The following NUP133 variants were observed in gnomAD, a reference collection of about 807,000 sequenced individuals.
The protein encoded by NUP133 is nucleoporin 133.
NUP133 carries 66 observed loss-of-function variants against 146.2 expected under a neutral mutation model. That is an observed-to-expected ratio of 0.45 (90% CI 0.37 to 0.55). NUP133 has a LOEUF of 0.55. NUP133 is among the 20% of genes least tolerant of loss of function. The pLI, the probability that NUP133 is intolerant of heterozygous loss-of-function variation, is 0.00. For missense variants in NUP133, 1,277 were observed against 1,374.8 expected, an observed-to-expected ratio of 0.93 and a Z score of 1.12; for synonymous variants, 521 against 498.8, an observed-to-expected ratio of 1.04 and a Z score of -0.59.
At chr1:229,486,616 TTGA>T in intron 10 of NUP133, 88 bp from the exon 11 acceptor site, 1 of 1,268,116 alleles carries the variant, frequency 7.9e-7, no homozygotes, top group Non-Finnish European at 1.1e-6. Flanking sequence ...GAAAATCATC[TTGA>T]TGATATATTA....
chr1:229,504,265 A>C (rs1386037164), intron 2 of NUP133, among the ~76,000 whole-genome samples: 1 of 152,228 alleles, frequency 6.6e-6, no homozygotes, highest in Non-Finnish European at 1.5e-5. Context: ...TAAACATATG[A>C]GATGCATTCT....
chr1:229,465,413 A>G lies in NUP133; in HGVS notation c.2299+7T>C, dbSNP rs751206166. 6.4e-7 allele frequency: 1 copy of G among 1,565,436 alleles called. No individual in the cohort carries two copies. The highest frequency in any genetic ancestry group is 1.1e-5 in the South Asian group (1 of 90,100). On this transcript the variant is annotated splice_region_variant and intron_variant, in intron 17 of 25. Transcript: ENST00000261396. Reference sequence around the variant, plus strand: ...TTTGAACAACTGTTAATAAATCAGTATATTACCCGTCCATGGAACATATTC... The same window carrying G: ...TTTGAACAACTGTTAATAAATCAGTGTATTACCCGTCCATGGAACATATTC...
At chr1:229,468,045 T>C (rs1660864283) in intron 15 of NUP133, among the ~76,000 whole-genome samples, 1 of 152,194 alleles carries the variant, frequency 6.6e-6, no homozygotes, top group Admixed American at 6.5e-5. Flanking sequence ...ATTTCAAATA[T>C]TGCTCATATG....
chr1:229,463,011 C>T (rs563838360), intron 19 of NUP133, among the ~76,000 whole-genome samples: 136 of 152,214 alleles, frequency 8.9e-4, no homozygotes, highest in African/African-American at 3.1e-3. Context: ...TACCTAAGTA[C>T]TTTTATAATA....
intron 14 of NUP133, among the ~76,000 whole-genome samples, chr1:229,475,014 A>G (rs1661043343): frequency 6.6e-6 from 1 of 152,044 alleles, no homozygotes; most frequent in Admixed American, 6.6e-5. Flanking sequence ...CTGTGAGAGG[A>G]CTGCTTGAGC....
At position 229,460,787 on chromosome 1, in the gene NUP133, T is replaced by C. The variant is rs776588126; in HGVS notation, c.2686-18A>G. The C allele has an allele frequency of 3.1e-6, 5 of 1,594,712 alleles. No homozygotes were observed. Among genetic ancestry groups the C allele is most frequent in the South Asian group, 2.3e-5 (2 of 88,454 alleles). On this transcript the variant is annotated intron_variant, in intron 19 of 25. Coordinates refer to ENST00000261396, the MANE Select transcript of NUP133 (RefSeq NM_018230.3). Reference sequence around the variant, plus strand: ...GAAAAATTCTACAAATAACAGAACATAGAATTCATTCATAATAGTTTAAAA... The same window carrying C: ...GAAAAATTCTACAAATAACAGAACACAGAATTCATTCATAATAGTTTAAAA...
intron 13 of NUP133, among the ~76,000 whole-genome samples, chr1:229,477,186 T>A (rs1453350188): frequency 6.6e-6 from 1 of 152,028 alleles, no homozygotes; most frequent in African/African-American, 2.4e-5. Flanking sequence ...ACACCTGTAA[T>A]CCCAGCACTT....
At chr1:229,446,814 C>T (rs1343314377) in intron 24 of NUP133, among the ~76,000 whole-genome samples, 1 of 151,968 alleles carries the variant, frequency 6.6e-6, no homozygotes, top group Non-Finnish European at 1.5e-5. Context: ...TTTGGCATGA[C>T]AAGCCTCACT....
chr1:229,442,425 T>C (rs1660204003), intron 25 of NUP133, among the ~76,000 whole-genome samples: 1 of 152,236 alleles, frequency 6.6e-6, no homozygotes, highest in African/African-American at 2.4e-5. Context: ...TCTCAAAATG[T>C]GTTTACAGTA....
chr1:229,465,017 C>T, intron 17 of NUP133, 142 bp from the exon 18 acceptor site: 1 of 954,088 alleles, frequency 1.0e-6, no homozygotes, highest in Non-Finnish European at 1.6e-6. Context: ...CCTGTCAATG[C>T]CCTGCTTGAA....
In NUP133 at chr1:229,499,182, G is replaced by A. The variant is rs1393271370; in HGVS notation, c.648+502C>T. 5 of 470,348 alleles carry A rather than the reference G, an allele frequency of 1.1e-5. No homozygotes were observed. In the Admixed American group the frequency reaches 1.2e-4, roughly 11 times the overall value. The allele number at this position is 470,348 out of a possible 1,614,324, so 29.1% of individuals were successfully genotyped here. On this transcript the variant is annotated intron_variant, in intron 5 of 25. Coordinates refer to ENST00000261396, the MANE Select transcript of NUP133 (RefSeq NM_018230.3). ...TTCAAAGTGGTGAGACTGCACGCAT[G>A]AGCCACCATGCTCAGCCAGATTTTG...
Position 229,441,162 on chromosome 1 carries a change from C to G in NUP133, c.*742G>C, listed in dbSNP as rs1481793256. On this transcript the variant is annotated 3_prime_UTR_variant, in exon 26 of 26. Coordinates refer to ENST00000261396, the MANE Select transcript of NUP133 (RefSeq NM_018230.3). Reference sequence around the variant, plus strand: ...TCATGCTTTTGACTAGCTAGGCAGACTGTGGTAAAGATTCATGAGTCATTC... The same window carrying G: ...TCATGCTTTTGACTAGCTAGGCAGAGTGTGGTAAAGATTCATGAGTCATTC... The G allele has an allele frequency of 1.2e-5, 4 of 324,690 alleles. No individual in the cohort carries two copies. Among genetic ancestry groups the G allele is most frequent in the Non-Finnish European group, 2.4e-5 (4 of 164,722 alleles). 20.1% of individuals were successfully genotyped at this position (324,690 alleles called of 1,614,324 possible). A position where few individuals can be genotyped will look rare whatever the true frequency, so the allele number is the denominator to read the frequency against.
chr1:229,495,325 T>C (rs1156633073), intron 8 of NUP133, among the ~76,000 whole-genome samples, 170 bp downstream of exon 8: 2 of 152,172 alleles, frequency 1.3e-5, no homozygotes, highest in African/African-American at 2.4e-5. Flanking sequence ...CAGGAGGTCA[T>C]GGCTGCAGTG....
At chr1:229,491,159 G>A (rs958052237) in intron 8 of NUP133, among the ~76,000 whole-genome samples, 2 of 151,994 alleles carry the variant, frequency 1.3e-5, no homozygotes, top group African/African-American at 2.4e-5. Flanking sequence ...GCAACCATAC[G>A]CATTTATTTA....
At chr1:229,457,815 A>G (rs1474154427) in intron 21 of NUP133, among the ~76,000 whole-genome samples, 1 of 152,208 alleles carries the variant, frequency 6.6e-6, no homozygotes, top group Admixed American at 6.5e-5. Context: ...TATTGCACCT[A>G]TACCACACTA....
intron 9 of NUP133, among the ~76,000 whole-genome samples, chr1:229,489,394 C>A (rs1661454325): frequency 6.6e-6 from 1 of 152,188 alleles, no homozygotes; most frequent in South Asian, 2.1e-4. Flanking sequence ...ATGACAATCC[C>A]TCCAAAGATC....
rs1390459884 is a variant in NUP133 at position 229,445,022 on chromosome 1, T to C, written c.3246-20A>G. 5.2e-6 allele frequency: 8 copies of C among 1,544,506 alleles called. No homozygotes were observed. The highest frequency in any genetic ancestry group is 2.7e-5 in the African/African-American group (2 of 73,122). On this transcript the variant is annotated intron_variant, in intron 24 of 25. Transcript: ENST00000261396. The stretch of plus-strand genomic sequence containing the variant: ...GACCAGCTAGAAAACAAAATCATTA[T>C]GAGGGAAAAATGAAATCACTGATAT...
intron 20 of NUP133, among the ~76,000 whole-genome samples, chr1:229,458,950 T>C (rs1660629589): frequency 6.6e-6 from 1 of 152,116 alleles, no homozygotes; most frequent in Admixed American, 6.6e-5. Context: ...GCAAATTATG[T>C]GGGAAAATAG....
chr1:229,469,146 A>G (rs990524621), intron 15 of NUP133, among the ~76,000 whole-genome samples: 6 of 152,258 alleles, frequency 3.9e-5, no homozygotes, highest in Non-Finnish European at 8.8e-5. Flanking sequence ...TCAAATGCAT[A>G]AGGAATTCCA....
Sources: allele counts gnomAD v4.1 joint callset (sites outside exome capture counted in the v4.1 genomes callset), GRCh38; gene constraint gnomAD v4.1.1; transcripts MANE v1.5; gene names NCBI Gene and HGNC (gene_info 2026-07-23, HGNC 2026-07-21).